Variants in QKI observed in about 807,000 individuals in gnomAD.
QKI encodes QKI, KH domain containing RNA binding.
In QKI, 10 loss-of-function variants were observed where a neutral mutation model predicts 39.0. That is an observed-to-expected ratio of 0.26 (90% CI 0.16 to 0.43). The LOEUF (loss-of-function observed/expected upper bound fraction) is 0.43. Among genes scored for constraint, QKI ranks in the 20% least tolerant of loss-of-function variants. The pLI, the probability that QKI is intolerant of heterozygous loss-of-function variation, is 1.00. For synonymous variants in QKI, 204 were observed against 155.4 expected (o/e 1.31, Z -2.33); for missense variants, 218 against 428.0 (o/e 0.51, Z 4.33).
chr6:163,422,317 G>C (rs747153206), intron 1 of QKI, among the ~76,000 whole-genome samples: 4 of 152,116 alleles, frequency 2.6e-5, no homozygotes, highest in Non-Finnish European at 5.9e-5. Context: ...TATTTTTGTA[G>C]AACTAAATTT....
At chr6:163,415,768 C>T (rs1787406243) in intron 1 of QKI, among the ~76,000 whole-genome samples, 1 of 152,020 alleles carries the variant, frequency 6.6e-6, no homozygotes, top group South Asian at 2.1e-4. Context: ...CGCTCCTCCG[C>T]TCGGCCTCCC....
At chr6:163,567,070 T>C in intron 7 of QKI, 1 of 1,082,282 alleles carries the variant, frequency 9.2e-7, no homozygotes, top group Non-Finnish European at 1.1e-6. Flanking sequence ...TGGGGAGCTA[T>C]TAAATTTTGA....
intron 3 of QKI, among the ~76,000 whole-genome samples, chr6:163,491,720 G>A (rs986365961): frequency 2.0e-5 from 3 of 151,990 alleles, no homozygotes; most frequent in Admixed American, 6.6e-5. Context: ...AGAAAGATTG[G>A]GAAGACTTGA....
chr6:163,511,855 T>C (rs997964641), intron 3 of QKI, among the ~76,000 whole-genome samples: 1 of 152,004 alleles, frequency 6.6e-6, no homozygotes, highest in African/African-American at 2.4e-5. Flanking sequence ...AACAAATTGG[T>C]AACTACCATT....
At chr6:163,500,474 A>G (rs1024245637) in intron 3 of QKI, among the ~76,000 whole-genome samples, 9 of 152,204 alleles carry the variant, frequency 5.9e-5, no homozygotes, top group African/African-American at 1.9e-4. Context: ...TTCTCTAAAT[A>G]TACAATGTAA....
chr6:163,451,476 C>T (rs545192132), intron 1 of QKI, among the ~76,000 whole-genome samples: 2 of 152,204 alleles, frequency 1.3e-5, no homozygotes, highest in South Asian at 2.1e-4. Flanking sequence ...AGAATTTTTC[C>T]AATGTTTATG....
chr6:163,501,512 C>T (rs893704286), intron 3 of QKI, among the ~76,000 whole-genome samples: 3 of 152,118 alleles, frequency 2.0e-5, no homozygotes, highest in South Asian at 2.1e-4. Flanking sequence ...AATCATCTTA[C>T]GGGGAGGAGG....
intron 6 of QKI, chr6:163,563,965 A>T: frequency 7.4e-7 from 1 of 1,349,740 alleles, no homozygotes. Context: ...TCTGTTGTGT[A>T]CATTTCAACA....
At chr6:163,510,774 ATATT>A (rs1168687838) in intron 3 of QKI, among the ~76,000 whole-genome samples, 1 of 152,180 alleles carries the variant, frequency 6.6e-6, no homozygotes, top group Non-Finnish European at 1.5e-5. Flanking sequence ...TCATAAGTGT[ATATT>A]TATTTAATGC....
At chr6:163,514,495 T>C (rs574743111) in intron 3 of QKI, among the ~76,000 whole-genome samples, 2 of 152,278 alleles carry the variant, frequency 1.3e-5, no homozygotes, top group South Asian at 2.1e-4. Flanking sequence ...AAATTGCCCA[T>C]TGGTAGTTGG....
At chr6:163,487,457 T>C (rs1254204646) in intron 3 of QKI, among the ~76,000 whole-genome samples, 2 of 152,142 alleles carry the variant, frequency 1.3e-5, no homozygotes, top group African/African-American at 2.4e-5. Flanking sequence ...TAGAAAATTA[T>C]TTATCCTCAA....
In QKI at chr6:163,569,993, G is replaced by A. The variant is rs568132799; in HGVS notation, c.1010-701G>A. On this transcript the variant is annotated intron_variant, in intron 7 of 7. Transcript: ENST00000361752. ...TTTCAACTGGAAAGTGTTGGCTAGT[G>A]CAAAAGGCCTGGCCATTTTCTGGTT... 128 of 986,380 alleles carry A rather than the reference G, an allele frequency of 1.3e-4. No homozygotes were observed. In the African/African-American group the frequency reaches 1.6e-3, roughly 13 times the overall value. The allele number at this position is 986,380 out of a possible 1,614,324, so 61.1% of individuals were successfully genotyped here. A position where few individuals can be genotyped will look rare whatever the true frequency, so the allele number is the denominator to read the frequency against.
At chr6:163,526,533 A>T (rs1462349819) in intron 3 of QKI, among the ~76,000 whole-genome samples, 1 of 152,222 alleles carries the variant, frequency 6.6e-6, no homozygotes, top group African/African-American at 2.4e-5. Context: ...AGCTCAGCCC[A>T]AAGTTTCCAG....
At chr6:163,416,829 C>A (rs1787545931) in intron 1 of QKI, among the ~76,000 whole-genome samples, 1 of 151,850 alleles carries the variant, frequency 6.6e-6, no homozygotes, top group Non-Finnish European at 1.5e-5. Flanking sequence ...CCAGAGAAAA[C>A]CTGAGCTGTC....
intron 2 of QKI, 24 bp downstream of exon 2, chr6:163,455,445 T>A: frequency 1.3e-6 from 2 of 1,593,628 alleles, no homozygotes. Context: ...GTTGTTTTAT[T>A]CAATTTTGTT....
rs1783949275 is a variant in QKI, at chr6:163,575,860, GT to G, written c.*5154del. 1 of 152,086 alleles carries G rather than the reference GT, an allele frequency of 6.6e-6. No individual in the cohort carries two copies. The highest frequency in any genetic ancestry group is 1.9e-4 in the East Asian group (1 of 5,190). The allele number at this position is 152,086 out of a possible 1,614,324, so 9.4% of individuals were successfully genotyped here. A position where few individuals can be genotyped will look rare whatever the true frequency, so the allele number is the denominator to read the frequency against. On this transcript the variant is annotated 3_prime_UTR_variant, in exon 8 of 8. Transcript: ENST00000361752. The stretch of plus-strand genomic sequence containing the variant: ...CGTGTGACAGCCTAAGGTTTCTTTA[GT>G]TTTAGGATGGGGTGGGGTGGGAGTG...
At chr6:163,419,237 A>G (rs1353035052) in intron 1 of QKI, among the ~76,000 whole-genome samples, 3 of 151,970 alleles carry the variant, frequency 2.0e-5, no homozygotes, top group South Asian at 4.1e-4. Context: ...CTATTTTTTC[A>G]TGTTAATGTT....
intron 6 of QKI, chr6:163,565,887 G>A (rs1472169069): frequency 1.2e-6 from 2 of 1,608,782 alleles, no homozygotes; most frequent in East Asian, 2.2e-5. Context: ...GAGGAGATTG[G>A]TATTAGCATC....
chr6:163,468,948 GA>G (rs1254841617), intron 2 of QKI, among the ~76,000 whole-genome samples: 2 of 151,768 alleles, frequency 1.3e-5, no homozygotes, highest in African/African-American at 2.4e-5. Context: ...AACATTTTGA[GA>G]AGGATGACCT....
Sources: gnomAD v4.1 joint callset for allele counts (sites outside exome capture counted in the v4.1 genomes callset) on GRCh38, gnomAD v4.1.1 for gene constraint, MANE v1.5 for transcripts, NCBI Gene and HGNC (gene_info 2026-07-23, HGNC 2026-07-21) for gene names.